Variants in PFDN1 observed in about 807,000 individuals in gnomAD.
PFDN1 encodes the protein prefoldin 1.
In PFDN1, 6 loss-of-function variants were observed where a neutral mutation model predicts 17.3. The ratio of observed to expected loss-of-function variants is 0.35; its 90% CI spans 0.19 to 0.69. The LOEUF is 0.69. PFDN1 is among the 30% of genes least tolerant of loss of function. The pLI, the probability that PFDN1 is intolerant of heterozygous loss-of-function variation, is 0.65. For synonymous variants in PFDN1, 58 were observed against 50.1 expected, an observed-to-expected ratio of 1.16 and a Z score of -0.67; for missense variants, 113 against 146.2, an observed-to-expected ratio of 0.77 and a Z score of 1.17.
intron 1 of PFDN1, among the ~76,000 whole-genome samples, 174 bp from the exon 2 acceptor site, chr5:140,300,756 G>A (rs541147560): frequency 5.9e-5 from 9 of 152,226 alleles, no homozygotes; most frequent in African/African-American, 9.6e-5. Context: ...ACTAAATACT[G>A]AATTTACAAT....
At chr5:140,256,658 C>CAAAAAAA (rs757723797) in intron 3 of PFDN1, among the ~76,000 whole-genome samples, 13 of 39,896 alleles carry the variant, frequency 3.3e-4, no homozygotes, top group East Asian at 2.6e-3. Context: ...CAAAAAATGA[C>CAAAAAAA]AAAAAAAAAA....
At chr5:140,277,396 T>C (rs866856278) in intron 3 of PFDN1, among the ~76,000 whole-genome samples, 6 of 152,112 alleles carry the variant, frequency 3.9e-5, no homozygotes, top group African/African-American at 1.4e-4. Context: ...AATATCCTAC[T>C]GCAGATGGTG....
intron 3 of PFDN1, among the ~76,000 whole-genome samples, chr5:140,251,282 C>T (rs985283937): frequency 4.6e-5 from 7 of 152,200 alleles, no homozygotes; most frequent in Non-Finnish European, 8.8e-5. Flanking sequence ...TAAATCTATA[C>T]AATTATGAAT....
intron 2 of PFDN1, among the ~76,000 whole-genome samples, chr5:140,295,848 C>G (rs1344154958): frequency 6.7e-6 from 1 of 150,352 alleles, no homozygotes; most frequent in Non-Finnish European, 1.5e-5. Flanking sequence ...TAAATACATA[C>G]CCTAAAAAAA....
At chr5:140,263,022 G>T (rs1765085443) in intron 3 of PFDN1, among the ~76,000 whole-genome samples, 2 of 152,182 alleles carry the variant, frequency 1.3e-5, no homozygotes, top group Admixed American at 1.3e-4. Flanking sequence ...ACTGTGTCAG[G>T]CACAGTGCTA....
At chr5:140,256,814 CTTCT>C (rs997897887) in intron 3 of PFDN1, among the ~76,000 whole-genome samples, 6 of 152,108 alleles carry the variant, frequency 3.9e-5, no homozygotes, top group African/African-American at 1.4e-4. Flanking sequence ...AAACTCTACT[CTTCT>C]TTCTATCTAG....
chr5:140,251,366 C>T (rs1327210595), intron 3 of PFDN1, among the ~76,000 whole-genome samples: 1 of 152,162 alleles, frequency 6.6e-6, no homozygotes, highest in Non-Finnish European at 1.5e-5. Context: ...TTGGATCTGG[C>T]CTTGCTTCCA....
At chr5:140,264,113 A>G (rs1264784230) in intron 3 of PFDN1, among the ~76,000 whole-genome samples, 1 of 151,474 alleles carries the variant, frequency 6.6e-6, no homozygotes, top group African/African-American at 2.4e-5. Flanking sequence ...AGCGAGGCAA[A>G]AGAGAGTGAG....
chr5:140,295,047 C>A (rs1328612885), intron 2 of PFDN1, among the ~76,000 whole-genome samples: 1 of 151,772 alleles, frequency 6.6e-6, no homozygotes, highest in Admixed American at 6.6e-5. Context: ...GGCTAATCTA[C>A]TCAAGTTCCT....
intron 3 of PFDN1, among the ~76,000 whole-genome samples, chr5:140,266,768 T>C (rs1009862299): frequency 2.6e-5 from 4 of 152,258 alleles, no homozygotes; most frequent in African/African-American, 9.6e-5. Flanking sequence ...CAGCAAGGGA[T>C]AGGAAAGGCA....
At chr5:140,256,263 T>G (rs942120665) in intron 3 of PFDN1, among the ~76,000 whole-genome samples, 1 of 151,552 alleles carries the variant, frequency 6.6e-6, no homozygotes, top group African/African-American at 2.4e-5. Flanking sequence ...ACCTGTAATC[T>G]CAGCACTTTG....
intron 3 of PFDN1, among the ~76,000 whole-genome samples, chr5:140,267,829 G>C (rs1765155542): frequency 6.6e-6 from 1 of 151,928 alleles, no homozygotes; most frequent in Non-Finnish European, 1.5e-5. Context: ...GCATCACAGA[G>C]TTTGAGCCTT....
intron 3 of PFDN1, chr5:140,262,608 A>G (rs1489595980): frequency 2.4e-5 from 11 of 454,460 alleles, no homozygotes; most frequent in Non-Finnish European, 4.4e-5. Flanking sequence ...TGAAAAAAAC[A>G]AGTTGTTGAA....
intron 3 of PFDN1, 168 bp downstream of exon 3, chr5:140,281,281 A>T: frequency 1.9e-6 from 1 of 525,924 alleles, no homozygotes. Flanking sequence ...TTGGTCTTAT[A>T]TGCGCTATGA....
intron 3 of PFDN1, 31 bp downstream of exon 3, chr5:140,281,418 A>C (rs761852670): frequency 1.1e-6 from 1 of 947,242 alleles, no homozygotes; most frequent in South Asian, 1.3e-5. Context: ...TTTCTCCCAA[A>C]AGTTAACTCC....
At chr5:140,251,416 G>A (rs1162033505) in intron 3 of PFDN1, among the ~76,000 whole-genome samples, 2 of 152,092 alleles carry the variant, frequency 1.3e-5, no homozygotes, top group South Asian at 2.1e-4. Context: ...TGCTTTATCA[G>A]GTCAACTTGC....
In PFDN1 at chr5:140,284,172, A is replaced by G. The variant is rs565804882; in HGVS notation, c.201-2639T>C. On this transcript the variant is annotated intron_variant, in intron 2 of 3. Coordinates refer to ENST00000261813, the MANE Select transcript of PFDN1 (RefSeq NM_002622.5). ...TTTTTCCATGACCACATATCCTTTG[A>G]GGTAGCTATACTGGACTGTGCCAAC... 1.4e-4 allele frequency among the ~76,000 whole-genome samples: 21 copies of G among 152,346 alleles called. No individual in the cohort carries two copies. The East Asian group carries it at 3.5e-3, about 25-fold the overall frequency.
intron 3 of PFDN1, among the ~76,000 whole-genome samples, chr5:140,280,014 C>CAAAAAAAAAAAAAAAAAAAAAAAAAAAAA (rs5871731): frequency 2.0e-5 from 2 of 99,112 alleles, no homozygotes; most frequent in Non-Finnish European, 3.7e-5. Context: ...AAAAAAAAAA[C>CAAAAAAAAAAAAAAAAAAAAAAAAAAAAA]AAAAAAAGAA....
intron 2 of PFDN1, among the ~76,000 whole-genome samples, chr5:140,295,434 G>C (rs1765638152): frequency 6.6e-6 from 1 of 152,108 alleles, no homozygotes; most frequent in South Asian, 2.1e-4. Context: ...ATGCTAGAAA[G>C]ATGCAAAGAC....
Sources: allele counts gnomAD v4.1 joint callset (sites outside exome capture counted in the v4.1 genomes callset), GRCh38; gene constraint gnomAD v4.1.1; transcripts MANE v1.5; gene names NCBI Gene and HGNC (gene_info 2026-07-23, HGNC 2026-07-21).